The following HAUS6 variants were observed in gnomAD, a reference collection of about 807,000 sequenced individuals.
The protein encoded by HAUS6 is HAUS augmin like complex subunit 6, also known as HAUS augmin-like complex subunit 6.
In HAUS6, 80 loss-of-function variants were observed where a neutral mutation model predicts 106.8. The observed-to-expected ratio is 0.75, with a 90% confidence interval of 0.63 to 0.90. HAUS6 has a LOEUF of 0.90. Among genes scored for constraint, HAUS6 ranks in the 40% least tolerant of loss-of-function variants. The pLI is 0.00. For missense variants in HAUS6, 1,155 were observed against 1,118.1 expected, an observed-to-expected ratio of 1.03 and a Z score of -0.47; for synonymous variants, 356 against 379.1, an observed-to-expected ratio of 0.94 and a Z score of 0.71.
In HAUS6 at chr9:19,078,235, T is replaced by C. The variant is rs149255370; in HGVS notation, c.1132A>G (p.Lys378Glu). 7.2e-5 allele frequency: 114 copies of C among 1,573,178 alleles called. No homozygotes were observed. The African/African-American group carries it at 1.2e-3, about 16-fold the overall frequency. Reference protein sequence around the residue: ...SVVEKQGEWHKKWKEFLGLSP... With the variant: ...SVVEKQGEWHEKWKEFLGLSP... Reference sequence around the variant, plus strand: ...AAACCAAGAAATTCTTTCCACTTTTTATGCCATTCTCCTTGCTTTTCAACA... The same window carrying C: ...AAACCAAGAAATTCTTTCCACTTTTCATGCCATTCTCCTTGCTTTTCAACA... Residue 378 changes from lysine to glutamate, a missense_variant, in exon 10 of 17, where the codon AAA becomes GAA. This residue lies in a region of HAUS6 where 761 missense variants were observed against 690.0 expected (regional missense o/e 1.10). Coordinates refer to ENST00000380502, the MANE Select transcript of HAUS6 (RefSeq NM_017645.5).
intron 4 of HAUS6, among the ~76,000 whole-genome samples, chr9:19,090,574 A>G (rs930627351): frequency 6.6e-6 from 1 of 152,156 alleles, no homozygotes; most frequent in African/African-American, 2.4e-5. Context: ...CCTGTTAGCC[A>G]GGATGATCTT....
chr9:19,102,632 G>A lies in HAUS6; in HGVS notation c.20C>T (p.Thr7Ile), dbSNP rs949099433. 2.5e-6 allele frequency: 4 copies of A among 1,612,830 alleles called. No homozygotes were observed. The African/African-American group carries it at 5.3e-5, about 22-fold the overall frequency. MSSASVTAFEKEHLWMY... is the reference protein window; with the variant it reads MSSASVIAFEKEHLWMY... ...CCAGAGATGCTCCTTCTCGAAAGCG[G>A]TGACCGAGGCCGAGCTCATCCTCGC... is the stretch of plus-strand genomic sequence containing the variant. The change falls in exon 1 of 17, where the codon ACC becomes ATC. Residue 7 changes from threonine to isoleucine, a missense_variant. By Grantham distance (89) the Thr-to-Ile change is moderately conservative (BLOSUM62 -1). Coordinates refer to ENST00000380502, the MANE Select transcript of HAUS6 (RefSeq NM_017645.5).
chr9:19,081,768 T>A (rs1217574844), intron 8 of HAUS6, among the ~76,000 whole-genome samples: 2 of 151,974 alleles, frequency 1.3e-5, no homozygotes, highest in Non-Finnish European at 2.9e-5. Context: ...ATCATAGATT[T>A]CACACAAAAA....
chr9:19,096,152 T>C (rs1314398592), intron 2 of HAUS6, among the ~76,000 whole-genome samples: 1 of 152,192 alleles, frequency 6.6e-6, no homozygotes, highest in African/African-American at 2.4e-5. Flanking sequence ...ACAATGATTT[T>C]AAGATATGTA....
chr9:19,084,475 ATATACT>A (rs1837240436), intron 7 of HAUS6, among the ~76,000 whole-genome samples: 1 of 152,182 alleles, frequency 6.6e-6, no homozygotes, highest in Admixed American at 6.5e-5. Context: ...TTGTCAAGCT[ATATACT>A]TATGAGTTAC....
At chr9:19,100,527 T>A (rs1030345496) in intron 1 of HAUS6, among the ~76,000 whole-genome samples, 1 of 152,166 alleles carries the variant, frequency 6.6e-6, no homozygotes, top group Non-Finnish European at 1.5e-5. Flanking sequence ...CATAGGCTCC[T>A]TAAAAAACTA....
chr9:19,067,994 C>A (rs1292011849), intron 12 of HAUS6, among the ~76,000 whole-genome samples: 2 of 150,656 alleles, frequency 1.3e-5, no homozygotes, highest in Admixed American at 1.3e-4. Flanking sequence ...GCACCTGGCC[C>A]CCCAAAAAAA....
rs530102339 is a variant in HAUS6 at position 19,071,212 on chromosome 9, A to G, written c.1295-912T>C. 1.1e-4 allele frequency among the ~76,000 whole-genome samples: 16 copies of G among 152,364 alleles called. No homozygotes were observed. The East Asian group carries it at 3.1e-3, about 29-fold the overall frequency. ...TACCTATGACTACTAAATACTAGAC[A>G]GACAGGTCAAAAAGCAGATTAAACA... On this transcript the variant is annotated intron_variant, in intron 11 of 16. Transcript: ENST00000380502.
At chr9:19,091,528 A>G (rs1428813541) in intron 4 of HAUS6, among the ~76,000 whole-genome samples, 1 of 152,052 alleles carries the variant, frequency 6.6e-6, no homozygotes, top group Admixed American at 6.6e-5. Flanking sequence ...CAGTAGCAGA[A>G]AAACTGGAAA....
At chr9:19,085,326 T>A (rs532559647) in intron 7 of HAUS6, among the ~76,000 whole-genome samples, 33 of 152,172 alleles carry the variant, frequency 2.2e-4, no homozygotes, top group Non-Finnish European at 4.6e-4. Flanking sequence ...TTTAATAGGT[T>A]CTGCAAATTA....
At position 19,058,616 on chromosome 9, in the gene HAUS6, A is replaced by G. The variant is rs768573168; in HGVS notation, c.2151T>C (p.Ala717=). The part of the protein sequence containing the change: ...ETSRMETFSP[A]VGNRIDVMGG... ...CCATCACATCTATCCTATTGCCGAC[A>G]GCAGGGGAGAATGTCTCCATTCGGC... is the stretch of plus-strand genomic sequence containing the variant. Residue 717 remains alanine (A), a synonymous_variant, in exon 16 of 17, where the codon GCT becomes GCC. Coordinates refer to ENST00000380502, the MANE Select transcript of HAUS6 (RefSeq NM_017645.5). The G allele has an allele frequency of 3.0e-5, 48 of 1,606,104 alleles. 1 individual carries two copies. In the African/African-American group the frequency reaches 4.8e-4, roughly 16 times the overall value.
In HAUS6 at chr9:19,072,422, A is replaced by T. The variant is rs971750850; in HGVS notation, c.1295-2122T>A. On this transcript the variant is annotated intron_variant, in intron 11 of 16. Coordinates refer to ENST00000380502, the MANE Select transcript of HAUS6 (RefSeq NM_017645.5). ...CAGCTACATGGGAAGCTTAGGCAGA[A>T]GAATTGCTTGAACCCGGGAGGCAGA... Among the ~76,000 whole-genome samples, 5 of 151,384 alleles carry T rather than the reference A, an allele frequency of 3.3e-5. No homozygotes were observed. The East Asian group carries it at 9.8e-4, about 30-fold the overall frequency.
intron 3 of HAUS6, 145 bp from the exon 4 acceptor site, chr9:19,093,448 G>T (rs1780503005): frequency 1.4e-6 from 1 of 719,670 alleles, no homozygotes; most frequent in Non-Finnish European, 2.3e-6. Flanking sequence ...GGTTGGCGTG[G>T]GGTTCCCTAG....
At chr9:19,098,213 G>A (rs2131158346) in intron 1 of HAUS6, among the ~76,000 whole-genome samples, 1 of 152,308 alleles carries the variant, frequency 6.6e-6, no homozygotes, top group East Asian at 1.9e-4. Flanking sequence ...GGCCAAGGCA[G>A]GCAGATCATG....
In HAUS6 at chr9:19,086,745, T is replaced by G. The variant is rs570643336; in HGVS notation, c.688A>C (p.Lys230Gln). The G allele has an allele frequency of 2.3e-5, 29 of 1,248,374 alleles. No individual in the cohort carries two copies. In the East Asian group the frequency reaches 2.3e-4, roughly 10 times the overall value. 77.3% of individuals were successfully genotyped at this position (1,248,374 alleles called of 1,614,324 possible). ...ATAAGTTGTCTCACCTTTTGAATTT[T>G]TTCTTCCATATTACTGTGGTCATCA... ...PYDDHSNMEE[K>Q]IQKVRSLWAS... The change falls in exon 7 of 17, where the codon AAA becomes CAA. Residue 230 changes from lysine (K) to glutamine (Q), a missense_variant. By Grantham distance (53) the Lys-to-Gln change is moderately conservative. Coordinates refer to ENST00000380502, the MANE Select transcript of HAUS6 (RefSeq NM_017645.5).
chr9:19,096,378 A>G (rs1443206620), intron 2 of HAUS6, among the ~76,000 whole-genome samples: 2 of 152,050 alleles, frequency 1.3e-5, no homozygotes, highest in Middle Eastern at 3.2e-3. Flanking sequence ...CAGCCTGACC[A>G]ACAGGGTGAA....
At chr9:19,080,088 C>G (rs1446905847) in intron 9 of HAUS6, among the ~76,000 whole-genome samples, 2 of 147,120 alleles carry the variant, frequency 1.4e-5, no homozygotes, top group African/African-American at 2.5e-5. Context: ...GCAGGAGAAT[C>G]ACTTGAACTC....
intron 5 of HAUS6, among the ~76,000 whole-genome samples, chr9:19,087,804 C>A (rs1339351287): frequency 7.5e-6 from 1 of 134,170 alleles, no homozygotes; most frequent in Admixed American, 8.8e-5. Flanking sequence ...AATCATGCCA[C>A]TGCACTCTAG....
intron 9 of HAUS6, among the ~76,000 whole-genome samples, chr9:19,079,377 G>A (rs10963941): frequency 0.19 from 28,445 of 150,782 alleles, 4,034 homozygotes; most frequent in African/African-American, 0.4. Context: ...GATTACAGGC[G>A]CACGCCACCA....
Sources: allele counts gnomAD v4.1 joint callset (sites outside exome capture counted in the v4.1 genomes callset), GRCh38; gene constraint gnomAD v4.1.1; regional missense constraint gnomAD v4.1.1; transcripts MANE v1.5; gene names NCBI Gene and HGNC (gene_info 2026-07-23, HGNC 2026-07-21).